Variants in ADCYAP1R1 observed in about 807,000 individuals in gnomAD.
ADCYAP1R1 encodes ADCYAP receptor type I, also known as pituitary adenylate cyclase-activating polypeptide type I receptor.
Under a neutral mutation model 67.6 loss-of-function variants are expected in ADCYAP1R1, and 44 were observed. The observed-to-expected ratio is 0.65, with a 90% CI of 0.51 to 0.84. ADCYAP1R1 has a LOEUF of 0.84. Among genes scored for constraint, ADCYAP1R1 ranks in the 40% least tolerant of loss-of-function variants. ADCYAP1R1 has a pLI of 0.00. For synonymous variants in ADCYAP1R1, 222 were observed against 219.6 expected, an observed-to-expected ratio of 1.01 and a Z score of -0.10; for missense variants, 477 against 587.9, an observed-to-expected ratio of 0.81 and a Z score of 1.95.
At chr7:31,106,464 C>T (rs1796651085) in intron 15 of ADCYAP1R1, 32 bp from the exon 16 acceptor site, 5 of 1,576,486 alleles carry the variant, frequency 3.2e-6, no homozygotes, top group Middle Eastern at 1.7e-4. Context: ...GGATGTCCAT[C>T]TGGAAGTGAC....
chr7:31,068,202 C>T (rs900927047), intron 3 of ADCYAP1R1, among the ~76,000 whole-genome samples: 7 of 146,644 alleles, frequency 4.8e-5, no homozygotes, highest in African/African-American at 8.0e-5. Flanking sequence ...CAGACACGCA[C>T]GCATGTGCGC....
chr7:31,066,267 G>T (rs146042822), intron 3 of ADCYAP1R1, among the ~76,000 whole-genome samples: 26 of 152,316 alleles, frequency 1.7e-4, no homozygotes, highest in African/African-American at 6.0e-4. Context: ...CATTGTTCCT[G>T]CATTGCGTGT....
chr7:31,103,428 C>CTT, intron 14 of ADCYAP1R1, 62 bp downstream of exon 14: 1 of 1,608,754 alleles, frequency 6.2e-7, no homozygotes, highest in Non-Finnish European at 8.5e-7. Context: ...TGCTCACCTG[C>CTT]AAGTGGTGCT....
At chr7:31,104,353 AGAG>A (rs757780998) in intron 14 of ADCYAP1R1, among the ~76,000 whole-genome samples, 20 of 152,190 alleles carry the variant, frequency 1.3e-4, no homozygotes, top group Admixed American at 8.5e-4. Flanking sequence ...AAGAATATAT[AGAG>A]AATAGCTAAG....
intron 3 of ADCYAP1R1, among the ~76,000 whole-genome samples, chr7:31,071,127 T>C (rs1210833986): frequency 6.6e-6 from 1 of 152,226 alleles, no homozygotes; most frequent in Non-Finnish European, 1.5e-5. Flanking sequence ...CCTGAGTCTC[T>C]TTGGTGCCCT....
chr7:31,089,665 C>T (rs1224665527), intron 12 of ADCYAP1R1, among the ~76,000 whole-genome samples: 1 of 152,170 alleles, frequency 6.6e-6, no homozygotes, highest in Non-Finnish European at 1.5e-5. Flanking sequence ...TTAACATTTT[C>T]ATGCAGATCA....
intron 1 of ADCYAP1R1, among the ~76,000 whole-genome samples, chr7:31,055,192 A>G (rs552593992): frequency 1.3e-5 from 2 of 152,322 alleles, no homozygotes; most frequent in East Asian, 3.9e-4. Flanking sequence ...AAGCAACACC[A>G]GAAAGACAAA....
chr7:31,072,093 C>A (rs4723044), intron 3 of ADCYAP1R1, among the ~76,000 whole-genome samples: 1 of 150,782 alleles, frequency 6.6e-6, no homozygotes, highest in Non-Finnish European at 1.5e-5. Context: ...CCTCTCTCCC[C>A]TGCACTGTGT....
Position 31,106,574 on chromosome 7 carries a change from C to G in ADCYAP1R1, c.1297C>G (p.Pro433Ala), listed in dbSNP as rs779513703. Residue 433 changes from proline to alanine, a missense_variant, in exon 16 of 16, where the codon CCG becomes GCG. Transcript: ENST00000304166. ...CGCTGTGGACTTCAAGCACCGACAC[C>G]CGTCTCTGGCCAGCAGTGGGGTGAA... is the stretch of plus-strand genomic sequence containing the variant. The part of the protein sequence containing the change: ...YFAVDFKHRH[P>A]SLASSGVNGG... 3 of 1,614,080 alleles carry G rather than the reference C, an allele frequency of 1.9e-6. No individual in the cohort carries two copies. The East Asian group carries it at 6.7e-5, about 36-fold the overall frequency.
chr7:31,075,646 G>A (rs1023860130), intron 3 of ADCYAP1R1, among the ~76,000 whole-genome samples: 4 of 152,172 alleles, frequency 2.6e-5, no homozygotes, highest in Non-Finnish European at 5.9e-5. Flanking sequence ...AGGCTGGAAG[G>A]AAAAGTGAGT....
Position 31,106,748 on chromosome 7 carries a change from C to T in ADCYAP1R1, c.*64C>T. The T allele has an allele frequency of 2.7e-6, 4 of 1,488,924 alleles. No individual in the cohort carries two copies. The highest frequency in any genetic ancestry group is 3.6e-6 in the Non-Finnish European group (4 of 1,116,740). The allele number at this position is 1,488,924 out of a possible 1,614,324, so 92.2% of individuals were successfully genotyped here. A position where few individuals can be genotyped will look rare whatever the true frequency, so the allele number is the denominator to read the frequency against. ...CTGGGACCGCAGGCAGGTGCCAGCC[C>T]ACGCATGTTTGCGCCTCTTCCCTCC... On this transcript the variant is annotated 3_prime_UTR_variant, in exon 16 of 16. Transcript: ENST00000304166.
At position 31,087,024 on chromosome 7, in the gene ADCYAP1R1, CAG is replaced by C. The variant is rs778102640; in HGVS notation, c.884+22_884+23del. ...ACAGGGTTAGTACATGCGCGAGAGTCAGGGCCACAGCACAGAGTAGATTCTTA... is the reference window on the plus strand; with the variant it reads ...ACAGGGTTAGTACATGCGCGAGAGTCGGCCACAGCACAGAGTAGATTCTTA... On this transcript the variant is annotated intron_variant, in intron 11 of 15. Transcript: ENST00000304166. 4 of 1,613,778 alleles carry C rather than the reference CAG, an allele frequency of 2.5e-6. No homozygotes were observed. The Admixed American group carries it at 5.0e-5, about 20-fold the overall frequency.
chr7:31,081,590 G>T, intron 5 of ADCYAP1R1, 123 bp from the exon 6 acceptor site: 1 of 694,944 alleles, frequency 1.4e-6, no homozygotes, highest in Non-Finnish European at 2.4e-6. Flanking sequence ...TTGCCTCTTG[G>T]CCAGGACTCC....
At chr7:31,053,454 T>C (rs1794110115) in intron 1 of ADCYAP1R1, among the ~76,000 whole-genome samples, 1 of 152,132 alleles carries the variant, frequency 6.6e-6, no homozygotes, top group Non-Finnish European at 1.5e-5. Flanking sequence ...GGAGGCCACA[T>C]CCTCGGCGGG....
At chr7:31,084,982 C>A in intron 8 of ADCYAP1R1, 148 bp downstream of exon 8, 1 of 839,294 alleles carries the variant, frequency 1.2e-6, no homozygotes, top group Admixed American at 2.0e-5. Context: ...AGATGGGAAA[C>A]TTCACTCCAG....
chr7:31,088,419 A>C (rs1009400275), intron 12 of ADCYAP1R1, among the ~76,000 whole-genome samples: 7 of 152,192 alleles, frequency 4.6e-5, no homozygotes, highest in African/African-American at 1.4e-4. Flanking sequence ...TGGTTGATGG[A>C]GGCCTTTCCC....
At position 31,086,605 on chromosome 7, in the gene ADCYAP1R1, G is replaced by T. The variant is rs1023501143; in HGVS notation, c.823+68G>T. The T allele has an allele frequency of 5.0e-6, 8 of 1,585,194 alleles. No homozygotes were observed. Among genetic ancestry groups the T allele is most frequent in the Admixed American group, 3.4e-5 (2 of 58,298 alleles). On this transcript the variant is annotated intron_variant, in intron 10 of 15. Coordinates refer to ENST00000304166, the MANE Select transcript of ADCYAP1R1 (RefSeq NM_001118.5). The surrounding 1 kb of genome is among the most constrained non-coding windows in gnomAD (Gnocchi z 5.0). ...TCAGGTGTGTCCAGGTGTGTCTTTG[G>T]TTCCATCTTCAGGAAGTGTCAGGTG...
intron 13 of ADCYAP1R1, among the ~76,000 whole-genome samples, chr7:31,096,052 C>G (rs1054221443): frequency 1.3e-5 from 2 of 152,062 alleles, no homozygotes; most frequent in African/African-American, 2.4e-5. Flanking sequence ...CATTAAGCCT[C>G]GGGTAGGTCA....
intron 3 of ADCYAP1R1, among the ~76,000 whole-genome samples, chr7:31,068,595 A>G (rs186162703): frequency 6.6e-6 from 1 of 152,288 alleles, no homozygotes; most frequent in East Asian, 1.9e-4. Context: ...CTTAGCTATG[A>G]AAAGGCCAAA....
Sources: allele counts gnomAD v4.1 joint callset (sites outside exome capture counted in the v4.1 genomes callset), GRCh38; gene constraint gnomAD v4.1.1; non-coding constraint Gnocchi (gnomAD v3.1); transcripts MANE v1.5; gene names NCBI Gene and HGNC (gene_info 2026-07-23, HGNC 2026-07-21).